Variants in JARID2 observed in about 807,000 individuals in gnomAD.
JARID2 encodes jumonji and AT-rich interaction domain containing 2.
A neutral mutation model predicts 125.6 loss-of-function variants in JARID2; 21 were observed. The observed-to-expected ratio is 0.17, with a 90% confidence interval of 0.12 to 0.24. The LOEUF (loss-of-function observed/expected upper bound fraction) is 0.24, where lower values mean the gene tolerates loss of function less well. Among genes scored for constraint, JARID2 ranks in the 10% least tolerant of loss-of-function variants. JARID2 has a pLI of 1.00. For synonymous variants in JARID2, 736 were observed against 661.6 expected (o/e 1.11, Z -1.73); for missense variants, 1,303 against 1,639.6 (o/e 0.79, Z 3.55).
chr6:15,303,255 G>T (rs1479790207), intron 1 of JARID2, among the ~76,000 whole-genome samples: 3 of 152,192 alleles, frequency 2.0e-5, no homozygotes, highest in Non-Finnish European at 4.4e-5. Context: ...AGCGCACCTC[G>T]AACTTGAACA....
intron 3 of JARID2, among the ~76,000 whole-genome samples, chr6:15,429,196 T>G (rs1193725236): frequency 6.6e-6 from 1 of 152,068 alleles, no homozygotes. Context: ...AATTTGCATG[T>G]TTTTGAGTGT....
intron 3 of JARID2, among the ~76,000 whole-genome samples, chr6:15,415,643 G>A (rs1318748849): frequency 6.9e-6 from 1 of 144,454 alleles, no homozygotes; most frequent in Non-Finnish European, 1.5e-5. Context: ...CGGGCGGGGG[G>A]CTGACCCCCC....
In JARID2 at chr6:15,433,675, A is replaced by G. The variant is rs116202655; in HGVS notation, c.324-18331A>G. Reference sequence around the variant, plus strand: ...GCAATACATGGTGCTTCCCTTGGCCAGGTCGATGCACCCACTACTGCCCAC... The same window carrying G: ...GCAATACATGGTGCTTCCCTTGGCCGGGTCGATGCACCCACTACTGCCCAC... On this transcript the variant is annotated intron_variant, in intron 3 of 17. Coordinates refer to ENST00000341776, the MANE Select transcript of JARID2 (RefSeq NM_004973.4). Among the ~76,000 whole-genome samples the G allele has an allele frequency of 5.9e-3, 896 of 152,208 alleles. 10 individuals carry two copies. The highest frequency in any genetic ancestry group is 0.02 in the African/African-American group (851 of 41,516).
chr6:15,351,514 G>A (rs566131984), intron 1 of JARID2, among the ~76,000 whole-genome samples: 2 of 152,270 alleles, frequency 1.3e-5, no homozygotes, highest in African/African-American at 4.8e-5. Flanking sequence ...ATCTTTCTGG[G>A]TCCCACTTTC....
intron 6 of JARID2, 133 bp downstream of exon 6, chr6:15,487,675 G>A (rs922648559): frequency 1.4e-5 from 11 of 791,904 alleles, no homozygotes; most frequent in Non-Finnish European, 2.2e-5. Context: ...GGGACAGACA[G>A]AGCGCACCTT....
At chr6:15,321,957 A>T (rs1762374043) in intron 1 of JARID2, among the ~76,000 whole-genome samples, 1 of 151,724 alleles carries the variant, frequency 6.6e-6, no homozygotes, top group South Asian at 2.1e-4. Context: ...ACGCCCAGCT[A>T]ATTTTTTGTA....
At chr6:15,248,074 T>C in intron 1 of JARID2, 1 of 985,268 alleles carries the variant, frequency 1.0e-6, no homozygotes, top group East Asian at 1.1e-4. Context: ...GTTTTCTTTC[T>C]TATTGCGGGC....
intron 3 of JARID2, among the ~76,000 whole-genome samples, chr6:15,443,875 CTT>C (rs1767550596): frequency 6.6e-6 from 1 of 152,188 alleles, no homozygotes; most frequent in African/African-American, 2.4e-5. Flanking sequence ...CACCACTACT[CTT>C]TTGCTTGTAC....
chr6:15,398,339 A>G (rs1482815272), intron 2 of JARID2, among the ~76,000 whole-genome samples: 2 of 152,218 alleles, frequency 1.3e-5, no homozygotes, highest in Non-Finnish European at 2.9e-5. Context: ...ATTAATGAAC[A>G]TGGATGGAGC....
At chr6:15,519,906 A>G (rs1376759416) in intron 17 of JARID2, among the ~76,000 whole-genome samples, 163 bp from the exon 18 acceptor site, 1 of 151,566 alleles carries the variant, frequency 6.6e-6, no homozygotes, top group African/African-American at 2.4e-5. Flanking sequence ...GGAAAGGGAG[A>G]CTCACTGCAT....
Position 15,246,278 on chromosome 6 carries a change from A to T in JARID2, c.-262A>T. On this transcript the variant is annotated 5_prime_UTR_variant, in exon 1 of 18. Coordinates refer to ENST00000341776, the MANE Select transcript of JARID2 (RefSeq NM_004973.4). ...TGTGTGTGTGTATGTGTTTCGGGGG[A>T]AATTTTCCATTATGAGTGTTTTACT... 1.9e-6 allele frequency: 1 copy of T among 524,604 alleles called. No homozygotes were observed. Among genetic ancestry groups the T allele is most frequent in the Admixed American group, 3.7e-5 (1 of 27,098 alleles). The allele number at this position is 524,604 out of a possible 1,614,324, so 32.5% of individuals were successfully genotyped here.
At chr6:15,299,892 C>G (rs1349791426) in intron 1 of JARID2, among the ~76,000 whole-genome samples, 4 of 152,116 alleles carry the variant, frequency 2.6e-5, no homozygotes, top group African/African-American at 9.7e-5. Flanking sequence ...TCGTACTTTA[C>G]CCACTGTCCC....
chr6:15,457,466 A>G (rs1768239342), intron 4 of JARID2, among the ~76,000 whole-genome samples: 1 of 152,242 alleles, frequency 6.6e-6, no homozygotes, highest in Non-Finnish European at 1.5e-5. Context: ...CTTGGGTGAC[A>G]GCGAGCACTG....
chr6:15,415,631 G>A (rs1425011903), intron 3 of JARID2, among the ~76,000 whole-genome samples: 3 of 147,082 alleles, frequency 2.0e-5, no homozygotes, highest in African/African-American at 7.5e-5. Context: ...GGGGCGGCTG[G>A]CCGGGCGGGG....
Position 15,520,445 on chromosome 6 carries a change from G to A in JARID2, c.*194G>A. ...TTTGTACTTAGAAAACCTAGATACT[G>A]CAGTCAGATTTTGGAAACTGCCGTA... On this transcript the variant is annotated 3_prime_UTR_variant, in exon 18 of 18. Coordinates refer to ENST00000341776, the MANE Select transcript of JARID2 (RefSeq NM_004973.4). The A allele has an allele frequency of 4.1e-6, 2 of 482,222 alleles. No individual in the cohort carries two copies. The highest frequency in any genetic ancestry group is 3.9e-5 in the Admixed American group (1 of 25,546). The allele number at this position is 482,222 out of a possible 1,614,324, so 29.9% of individuals were successfully genotyped here.
chr6:15,392,971 C>G (rs1333588353), intron 2 of JARID2, among the ~76,000 whole-genome samples: 1 of 152,116 alleles, frequency 6.6e-6, no homozygotes, highest in African/African-American at 2.4e-5. Flanking sequence ...AGGCGTGAGC[C>G]ACCATGCCTG....
At chr6:15,299,775 G>C (rs545083950) in intron 1 of JARID2, among the ~76,000 whole-genome samples, 1 of 152,308 alleles carries the variant, frequency 6.6e-6, no homozygotes, top group African/African-American at 2.4e-5. Context: ...CCTCACTTCA[G>C]CGGGGTGGGC....
chr6:15,415,834 C>T (rs1259982623), intron 3 of JARID2, among the ~76,000 whole-genome samples: 2 of 148,402 alleles, frequency 1.3e-5, no homozygotes, highest in African/African-American at 5.0e-5. Context: ...ACCCCCCCAC[C>T]TCCCTCCCGG....
intron 1 of JARID2, among the ~76,000 whole-genome samples, chr6:15,285,740 A>G (rs1323232153): frequency 1.3e-5 from 2 of 152,208 alleles, no homozygotes; most frequent in Non-Finnish European, 2.9e-5. Flanking sequence ...GCATCTCGTA[A>G]GTCATTCCAC....
Sources: gnomAD v4.1 joint callset for allele counts (sites outside exome capture counted in the v4.1 genomes callset) on GRCh38, gnomAD v4.1.1 for gene constraint, MANE v1.5 for transcripts, NCBI Gene and HGNC (gene_info 2026-07-23, HGNC 2026-07-21) for gene names.